Variants in MCF2L observed in about 807,000 individuals in gnomAD.
MCF2L encodes the protein MCF.2 cell line derived transforming sequence like, also known as guanine nucleotide exchange factor DBS.
A neutral mutation model predicts 153.4 loss-of-function variants in MCF2L; 97 were observed. The observed-to-expected ratio is 0.63, with a 90% CI of 0.54 to 0.75. MCF2L has a LOEUF of 0.75. Ranked by LOEUF, MCF2L falls within the 30% of genes least tolerant of loss-of-function variation. The pLI, the probability that MCF2L is intolerant of heterozygous loss-of-function variation, is 0.00. For synonymous variants in MCF2L, 659 were observed against 632.2 expected, an observed-to-expected ratio of 1.04 and a Z score of -0.64; for missense variants, 1,347 against 1,495.2, an observed-to-expected ratio of 0.90 and a Z score of 1.64.
chr13:113,016,776 G>T (rs547549553), intron 2 of MCF2L, among the ~76,000 whole-genome samples: 2 of 152,154 alleles, frequency 1.3e-5, no homozygotes, highest in Non-Finnish European at 2.9e-5. Flanking sequence ...GGCCCCTCAG[G>T]CCTTGCTCAG....
chr13:112,992,194 C>T (rs2082920759), intron 1 of MCF2L, among the ~76,000 whole-genome samples: 2 of 152,178 alleles, frequency 1.3e-5, no homozygotes, highest in South Asian at 4.1e-4. Flanking sequence ...TGTTTAGACT[C>T]GGGTCACGTC....
chr13:112,913,117 G>A (rs1055990128), intron 2 of MCF2L, among the ~76,000 whole-genome samples: 11 of 148,042 alleles, frequency 7.4e-5, no homozygotes, highest in African/African-American at 2.8e-4. Flanking sequence ...CTGTATGTAT[G>A]GGATGTGTCT....
At chr13:113,092,967 G>A (rs1439609955) in intron 26 of MCF2L, among the ~76,000 whole-genome samples, 2 of 152,240 alleles carry the variant, frequency 1.3e-5, no homozygotes, top group South Asian at 2.1e-4. Flanking sequence ...GGACAGGTTC[G>A]TGTGTAAGGT....
At chr13:113,006,234 C>T (rs1458076331) in intron 1 of MCF2L, among the ~76,000 whole-genome samples, 3 of 152,236 alleles carry the variant, frequency 2.0e-5, no homozygotes, top group African/African-American at 4.8e-5. Flanking sequence ...AGGTCCCAGG[C>T]GCTGGAGCAG....
chr13:113,006,885 G>C (rs1594609254), intron 1 of MCF2L, among the ~76,000 whole-genome samples: 2 of 152,226 alleles, frequency 1.3e-5, no homozygotes, highest in Admixed American at 6.5e-5. Flanking sequence ...CGGGGTGTGG[G>C]GAGGCAGCGG....
chr13:112,943,693 C>G lies in MCF2L; in HGVS notation c.169+41322C>G, dbSNP rs908661892. Among the ~76,000 whole-genome samples the G allele has an allele frequency of 6.6e-6, 1 of 152,150 alleles. No individual in the cohort carries two copies. The highest frequency in any genetic ancestry group is 1.5e-5 in the Non-Finnish European group (1 of 68,010). On this transcript the variant is annotated intron_variant, in intron 2 of 29. Transcript: ENST00000375608. The surrounding 1 kb of genome is among the most constrained non-coding windows in gnomAD (Gnocchi z 4.2). ...GGAAGGCGGGAGCGCTCGCAGTTCC[C>G]TCCTGGAGGGACCACACCGCCGGGA...
At chr13:112,908,454 C>T (rs963319494) in intron 2 of MCF2L, among the ~76,000 whole-genome samples, 12 of 152,172 alleles carry the variant, frequency 7.9e-5, no homozygotes, top group African/African-American at 2.7e-4. Flanking sequence ...CTCAGGTGAA[C>T]GGAAGGTGTC....
At position 113,060,738 on chromosome 13, in the gene MCF2L, C is replaced by T. The variant is rs749456134; in HGVS notation, c.489+26C>T. The stretch of plus-strand genomic sequence containing the variant: ...GTAAGTGCGCCCCGCCTCCATCCTG[C>T]GGTAGCAGAACGGAACTCATTGCCG... On this transcript the variant is annotated intron_variant, in intron 5 of 29. Transcript: ENST00000535094. 1.2e-5 allele frequency: 19 copies of T among 1,609,758 alleles called. 1 individual carries two copies. The highest frequency in any genetic ancestry group is 8.3e-5 in the Admixed American group (5 of 59,982).
chr13:113,091,255 T>C (rs902995362), intron 26 of MCF2L: 5 of 1,294,004 alleles, frequency 3.9e-6, no homozygotes, highest in African/African-American at 1.5e-5. Context: ...GCGGCCCAGC[T>C]GGCTGTCAGG....
chr13:113,056,708 G>A (rs1202060091), intron 4 of MCF2L, among the ~76,000 whole-genome samples: 5 of 148,646 alleles, frequency 3.4e-5, no homozygotes, highest in Non-Finnish European at 5.9e-5. Flanking sequence ...TTTAGGTGCT[G>A]TGTGTTTGGG....
chr13:113,007,317 C>T (rs991036581), intron 1 of MCF2L, among the ~76,000 whole-genome samples: 1 of 152,158 alleles, frequency 6.6e-6, no homozygotes, highest in African/African-American at 2.4e-5. Flanking sequence ...TGCCCCCCTG[C>T]ATGACAGACC....
At chr13:113,044,348 C>T (rs898228985) in intron 3 of MCF2L, 5 of 338,376 alleles carry the variant, frequency 1.5e-5, no homozygotes, top group Admixed American at 3.9e-5. Context: ...TCTTTAAATC[C>T]GAGCGTCAGA....
In MCF2L at chr13:113,074,953, G is replaced by A. The variant is rs563400301; in HGVS notation, c.1117-45G>A. The A allele has an allele frequency of 2.5e-5, 38 of 1,537,650 alleles. No individual in the cohort carries two copies. The highest frequency in any genetic ancestry group is 4.1e-5 in the African/African-American group (3 of 73,148). On this transcript the variant is annotated intron_variant, in intron 10 of 29. Transcript: ENST00000535094. This position sits in a 1 kb window ranked among gnomAD's most constrained non-coding sequence, Gnocchi z 4.2. ...CGTACAGCAAGGCACTGTGTGCCTC[G>A]AACAGAAAGAGGCCTGAGCTGGTCC...
At chr13:112,985,738 C>T (rs2082611364) in intron 1 of MCF2L, among the ~76,000 whole-genome samples, 1 of 152,216 alleles carries the variant, frequency 6.6e-6, no homozygotes, top group Non-Finnish European at 1.5e-5. Flanking sequence ...GTCTGGCAAG[C>T]CTGAGCCTCA....
chr13:112,927,050 CA>C (rs1166398806), intron 2 of MCF2L, among the ~76,000 whole-genome samples: 2 of 152,184 alleles, frequency 1.3e-5, no homozygotes, highest in Admixed American at 1.3e-4. Context: ...TGCTAAATCA[CA>C]CTTACAGAGA....
intron 1 of MCF2L, among the ~76,000 whole-genome samples, chr13:112,976,942 G>A (rs898054545): frequency 1.3e-5 from 2 of 152,142 alleles, no homozygotes; most frequent in Non-Finnish European, 2.9e-5. Flanking sequence ...CTGCATGGGG[G>A]AGTCATCGGT....
rs1237893288 is a variant in MCF2L, at chr13:113,031,210, A to G, written c.278+6452A>G. ...GACAGAGAGACAGAGACAGACAGAG[A>G]CAGAGACAGAGAGAGACAGAGAGAA... On this transcript the variant is annotated intron_variant, in intron 3 of 29. Coordinates refer to ENST00000535094, the MANE Select transcript of MCF2L (RefSeq NM_001112732.3). This position sits in a 1 kb window ranked among gnomAD's most constrained non-coding sequence, Gnocchi z 5.5. 6.7e-6 allele frequency among the ~76,000 whole-genome samples: 1 copy of G among 149,434 alleles called. No individual in the cohort carries two copies.
intron 26 of MCF2L, chr13:113,090,592 C>A (rs910948880): frequency 1.0e-6 from 1 of 985,304 alleles, no homozygotes; most frequent in Non-Finnish European, 1.2e-6. Context: ...ACCCTTGAGA[C>A]GGAGACGTCT....
chr13:112,976,710 G>A (rs1421547874), intron 1 of MCF2L, among the ~76,000 whole-genome samples: 1 of 152,214 alleles, frequency 6.6e-6, no homozygotes, highest in Non-Finnish European at 1.5e-5. Context: ...GGCTGGGACT[G>A]AAGGAGAGGA....
Sources: gnomAD v4.1 joint callset for allele counts (sites outside exome capture counted in the v4.1 genomes callset) on GRCh38, gnomAD v4.1.1 for gene constraint, Gnocchi (gnomAD v3.1) non-coding constraint, MANE v1.5 for transcripts, NCBI Gene and HGNC (gene_info 2026-07-23, HGNC 2026-07-21) for gene names.